Variants in TRRAP observed in about 807,000 individuals in gnomAD.
TRRAP encodes transformation/transcription domain-associated protein.
A neutral mutation model predicts 438.8 loss-of-function variants in TRRAP; 41 were observed. The observed-to-expected ratio is 0.09, with a 90% CI of 0.07 to 0.12. TRRAP has a LOEUF of 0.12. Ranked by LOEUF, TRRAP falls within the 10% of genes least tolerant of loss-of-function variation. TRRAP has a pLI of 1.00. For missense variants in TRRAP, 3,122 were observed against 5,055.1 expected, an observed-to-expected ratio of 0.62 and a Z score of 11.60; for synonymous variants, 1,994 against 1,962.9, an observed-to-expected ratio of 1.02 and a Z score of -0.42.
intron 49 of TRRAP, 82 bp from the exon 50 acceptor site, chr7:98,966,959 G>A (rs1345554364): frequency 3.4e-6 from 5 of 1,450,810 alleles, no homozygotes; most frequent in Non-Finnish European, 4.7e-6. Context: ...TATTGTGCTT[G>A]ATAAAATTGT....
In TRRAP at chr7:98,970,166, G is replaced by C; in HGVS notation, c.7567G>C (p.Ala2523Pro). The change falls in exon 52 of 73, where the codon GCC (alanine) becomes CCC (proline). Residue 2523 changes from alanine (A) to proline (P), a missense_variant. Ala to Pro is a conservative substitution (Grantham distance 27). Coordinates refer to ENST00000456197, the MANE Select transcript of TRRAP (RefSeq NM_001375524.1). ...STPIGTSCQG[A>P]MLPSITNVIN... ...CCCCATTGGCACCAGCTGCCAAGGA[G>C]CCATGCTCCCGTCCATCACCAACGT... 6.2e-7 allele frequency: 1 copy of C among 1,613,960 alleles called. No homozygotes were observed. Among genetic ancestry groups the C allele is most frequent in the Non-Finnish European group, 8.5e-7 (1 of 1,180,030 alleles).
chr7:98,975,738 T>C (rs992015639), intron 53 of TRRAP, among the ~76,000 whole-genome samples: 2 of 152,254 alleles, frequency 1.3e-5, no homozygotes, highest in African/African-American at 4.8e-5. Context: ...TGTTGGCAAA[T>C]AGTTTATGTC....
Position 98,967,150 on chromosome 7 carries a change from A to G in TRRAP, c.7286A>G (p.Asn2429Ser). ...AATGCCCAGTTTTTAGATCTTGTTA[A>G]CTATGTCTACAGGTAATTACAGCAA... ...ELNAQFLDLV[N>S]YVYRDETLSG... The change falls in exon 50 of 73, where the codon AAC (asparagine) becomes AGC (serine). Residue 2429 changes from asparagine (N) to serine (S), a missense_variant. This residue lies in a region of TRRAP where 992 missense variants were observed against 1,281.2 expected (regional missense o/e 0.77). Coordinates refer to ENST00000456197, the MANE Select transcript of TRRAP (RefSeq NM_001375524.1). 1.2e-6 allele frequency: 2 copies of G among 1,613,946 alleles called. No individual in the cohort carries two copies.
intron 48 of TRRAP, 148 bp downstream of exon 48, chr7:98,964,923 A>G (rs1290894307): frequency 1.2e-5 from 13 of 1,063,948 alleles, no homozygotes; most frequent in African/African-American, 4.9e-5. Context: ...TTGCTCTTCA[A>G]TGTAGGGGTT....
chr7:99,001,229 G>A (rs1793905858), intron 67 of TRRAP, among the ~76,000 whole-genome samples: 1 of 152,252 alleles, frequency 6.6e-6, no homozygotes. Flanking sequence ...CGTGATGTGT[G>A]GGTTGGGCTT....
chr7:99,006,765 C>G (rs1201777361), intron 69 of TRRAP, among the ~76,000 whole-genome samples: 1 of 152,222 alleles, frequency 6.6e-6, no homozygotes, highest in African/African-American at 2.4e-5. Flanking sequence ...CAGCTCCCTC[C>G]AACTTCATTG....
rs781881170 is a variant in TRRAP, at chr7:98,927,192, G to A, written c.3001G>A (p.Val1001Ile). The A allele has an allele frequency of 5.6e-6, 9 of 1,614,108 alleles. No homozygotes were observed. The highest frequency in any genetic ancestry group is 2.7e-5 in the African/African-American group (2 of 74,932). The change falls in exon 23 of 73, where the codon GTT becomes ATT. Residue 1001 changes from valine (V) to isoleucine (I), a missense_variant. Transcript: ENST00000456197. The stretch of plus-strand genomic sequence containing the variant: ...CTTTACAGAAAAGACCATCCCCAAT[G>A]TTATCATCTCACATCGCTACAAAGC... The part of the protein sequence containing the change: ...PNFTEKTIPN[V>I]IISHRYKAQD...
Position 99,011,936 on chromosome 7 carries a change from G to A in TRRAP, c.11338-135G>A. ...AGCCCGTCCTGAGGGCACACAGCCT[G>A]GCCTGGTGCTGAAACTCGACTGGCC... is the stretch of plus-strand genomic sequence containing the variant. On this transcript the variant is annotated intron_variant, in intron 72 of 72. Transcript: ENST00000456197. This position sits in a 1 kb window ranked among gnomAD's most constrained non-coding sequence, Gnocchi z 7.1. The A allele has an allele frequency of 8.6e-7, 1 of 1,168,856 alleles. No homozygotes were observed. Among genetic ancestry groups the A allele is most frequent in the Non-Finnish European group, 1.2e-6 (1 of 837,040 alleles). The allele number at this position is 1,168,856 out of a possible 1,614,324, so 72.4% of individuals were successfully genotyped here. A position where few individuals can be genotyped will look rare whatever the true frequency, so the allele number is the denominator to read the frequency against.
chr7:98,983,365 G>A lies in TRRAP; in HGVS notation c.8928G>A (p.Thr2976=), dbSNP rs758727385. 16 of 1,614,088 alleles carry A rather than the reference G, an allele frequency of 9.9e-6. No individual in the cohort carries two copies. Among genetic ancestry groups the A allele is most frequent in the South Asian group, 2.2e-5 (2 of 91,088 alleles). ...GRNNSLHDMK[T]VVKTWRNRLP... ...ACAACAGCCTGCACGACATGAAGAC[G>A]GTGGTGAAGACCTGGAGGAACCGAC... is the stretch of plus-strand genomic sequence containing the variant. The change falls in exon 60 of 73, where the codon ACG becomes ACA. Residue 2976 remains threonine (T), a synonymous_variant. Coordinates refer to ENST00000456197, the MANE Select transcript of TRRAP (RefSeq NM_001375524.1).
At chr7:98,883,721 C>T (rs552324865) in intron 3 of TRRAP, among the ~76,000 whole-genome samples, 8 of 152,104 alleles carry the variant, frequency 5.3e-5, no homozygotes, top group African/African-American at 1.9e-4. Flanking sequence ...ACCATGTTGC[C>T]CAGGCTGGTC....
intron 63 of TRRAP, among the ~76,000 whole-genome samples, chr7:98,989,479 C>T (rs775844421): frequency 3.3e-5 from 5 of 152,254 alleles, no homozygotes; most frequent in Non-Finnish European, 5.9e-5. Context: ...GGCTTCCTGT[C>T]TTCCCCCAAG....
chr7:98,933,228 T>G lies in TRRAP; in HGVS notation c.3853-13T>G, dbSNP rs1554413369. ...GCAGCTGGTGAGTGGTGCCTCCTCC[T>G]TGGCTTCCCCAGGTCCTGCAGGATA... On this transcript the variant is annotated splice_polypyrimidine_tract_variant and intron_variant, in intron 26 of 72. Coordinates refer to ENST00000456197, the MANE Select transcript of TRRAP (RefSeq NM_001375524.1). 7 of 1,605,720 alleles carry G rather than the reference T, an allele frequency of 4.4e-6. No homozygotes were observed. The East Asian group carries it at 9.0e-5, about 21-fold the overall frequency.
rs755147749 is a variant in TRRAP at position 99,008,574 on chromosome 7, C to T, written c.10938+13C>T. ...AGCCAGCCACCAGGTAGCAGTGGGG[C>T]CGGGCCGGGGGCCGAGCTGCCGCCT... On this transcript the variant is annotated intron_variant, in intron 70 of 72. Transcript: ENST00000456197. The T allele has an allele frequency of 3.1e-6, 5 of 1,611,920 alleles. No homozygotes were observed. In the East Asian group the frequency reaches 6.7e-5, roughly 22 times the overall value.
At chr7:98,888,823 T>TC (rs1795833480) in intron 3 of TRRAP, among the ~76,000 whole-genome samples, 1 of 152,166 alleles carries the variant, frequency 6.6e-6, no homozygotes, top group Non-Finnish European at 1.5e-5. Context: ...CCCTCATGGT[T>TC]CTGTATCCTT....
Position 98,988,857 on chromosome 7 carries a change from A to G in TRRAP, c.9482A>G (p.Asn3161Ser). 1 of 1,614,172 alleles carries G rather than the reference A, an allele frequency of 6.2e-7. No individual in the cohort carries two copies. The highest frequency in any genetic ancestry group is 1.7e-5 in the Admixed American group (1 of 60,020). Reference sequence around the variant, plus strand: ...GCCATGTGGGGCGACTACCTGGAGAACATCTTTGTGAAGGAGCGGCAGCTG... The same window carrying G: ...GCCATGTGGGGCGACTACCTGGAGAGCATCTTTGTGAAGGAGCGGCAGCTG... ...AWAMWGDYLE[N>S]IFVKERQLHL... Residue 3161 changes from asparagine (N) to serine (S), a missense_variant, in exon 63 of 73, where the codon AAC becomes AGC. This residue lies in a region of TRRAP where 23 missense variants were observed against 18.2 expected (regional missense o/e 1.27). Coordinates refer to ENST00000456197, the MANE Select transcript of TRRAP (RefSeq NM_001375524.1).
chr7:98,942,733 G>A (rs577438468), intron 30 of TRRAP, among the ~76,000 whole-genome samples: 1 of 152,310 alleles, frequency 6.6e-6, no homozygotes, highest in African/African-American at 2.4e-5. Flanking sequence ...GAGTCAGGGC[G>A]TTTCCTTCTG....
At chr7:98,915,229 G>C (rs1554409393) in intron 18 of TRRAP, among the ~76,000 whole-genome samples, 1 of 151,614 alleles carries the variant, frequency 6.6e-6, no homozygotes, top group Admixed American at 6.6e-5. Flanking sequence ...TTTCACTCTT[G>C]TTGTCCAGGC....
rs1435904297 is a variant in TRRAP, at chr7:99,008,371, C to A, written c.10754-6C>A. 6.2e-7 allele frequency: 1 copy of A among 1,613,434 alleles called. No individual in the cohort carries two copies. The highest frequency in any genetic ancestry group is 1.1e-5 in the South Asian group (1 of 90,968). ...GCCTGCCCCGTTTCTCTTCCTCTCT[C>A]CCCAGTGCCCCGGGTTGTGGCAGTT... On this transcript the variant is annotated splice_polypyrimidine_tract_variant and splice_region_variant and intron_variant, in intron 69 of 72. Transcript: ENST00000456197.
At position 98,937,340 on chromosome 7, in the gene TRRAP, C is replaced by T. The variant is rs1265995718; in HGVS notation, c.4233+63C>T. 11 of 1,554,522 alleles carry T rather than the reference C, an allele frequency of 7.1e-6. No homozygotes were observed. The East Asian group carries it at 2.5e-4, about 35-fold the overall frequency. The stretch of plus-strand genomic sequence containing the variant: ...TGCACACACATGTGTGTGTACTCTG[C>T]ATTAAGAGTTCTTCCTGTTTATTGC... On this transcript the variant is annotated intron_variant, in intron 29 of 72. Transcript: ENST00000456197.
Sources: allele counts gnomAD v4.1 joint callset (sites outside exome capture counted in the v4.1 genomes callset), GRCh38; gene constraint gnomAD v4.1.1; regional missense constraint gnomAD v4.1.1; non-coding constraint Gnocchi (gnomAD v3.1); transcripts MANE v1.5; gene names NCBI Gene and HGNC (gene_info 2026-07-23, HGNC 2026-07-21).